NR3C2: variants seen among roughly 807,000 people sequenced by gnomAD.
NR3C2 encodes nuclear receptor subfamily 3 group C member 2, also known as mineralocorticoid receptor.
In NR3C2, 15 loss-of-function variants were observed where a neutral mutation model predicts 86.4. That is an observed-to-expected ratio of 0.17 (90% confidence interval 0.12 to 0.27). The LOEUF is 0.27. Among genes scored for constraint, NR3C2 ranks in the 10% least tolerant of loss-of-function variants. The pLI, the probability that NR3C2 is intolerant of heterozygous loss-of-function variation, is 1.00. For missense variants in NR3C2, 960 were observed against 1,195.6 expected (o/e 0.80, Z 2.91); for synonymous variants, 458 against 450.5 (o/e 1.02, Z -0.21).
intron 3 of NR3C2, among the ~76,000 whole-genome samples, chr4:148,220,772 G>A (rs1737797189): frequency 6.6e-6 from 1 of 152,090 alleles, no homozygotes; most frequent in African/African-American, 2.4e-5. Flanking sequence ...CTCCAGCCTG[G>A]GTGACAGAGT....
intron 6 of NR3C2, among the ~76,000 whole-genome samples, chr4:148,128,878 G>A (rs1414925889): frequency 3.9e-5 from 6 of 152,152 alleles, no homozygotes; most frequent in African/African-American, 1.4e-4. Flanking sequence ...CCAAGAAATA[G>A]CCCTTTGCAG....
intron 3 of NR3C2, among the ~76,000 whole-genome samples, chr4:148,234,348 T>TC (rs1287617695): frequency 6.6e-6 from 1 of 151,964 alleles, no homozygotes; most frequent in Non-Finnish European, 1.5e-5. Flanking sequence ...TTTCAATGGG[T>TC]CTCCAGTACT....
At chr4:148,356,382 T>C (rs1745549734) in intron 2 of NR3C2, among the ~76,000 whole-genome samples, 1 of 152,158 alleles carries the variant, frequency 6.6e-6, no homozygotes, top group African/African-American at 2.4e-5. Flanking sequence ...GAAAACTATA[T>C]GAATGTACAA....
At position 148,314,863 on chromosome 4, in the gene NR3C2, T is replaced by G. The variant is rs569635325; in HGVS notation, c.1758-54746A>C. 1.8e-4 allele frequency among the ~76,000 whole-genome samples: 27 copies of G among 152,284 alleles called. 1 individual carries two copies. The South Asian group carries it at 5.6e-3, about 32-fold the overall frequency. On this transcript the variant is annotated intron_variant, in intron 2 of 8. Coordinates refer to ENST00000358102, the MANE Select transcript of NR3C2 (RefSeq NM_000901.5). ...ACTAAGAAAACACACATCCAATAAT[T>G]ACACAATGAACTTTAACATGATAAA...
At chr4:148,367,043 G>C (rs1381442642) in intron 2 of NR3C2, among the ~76,000 whole-genome samples, 1 of 152,136 alleles carries the variant, frequency 6.6e-6, no homozygotes, top group Non-Finnish European at 1.5e-5. Flanking sequence ...GCAGAAAGAG[G>C]TGTGTTACAC....
At chr4:148,278,458 G>A (rs1741070378) in intron 2 of NR3C2, among the ~76,000 whole-genome samples, 1 of 152,092 alleles carries the variant, frequency 6.6e-6, no homozygotes. Flanking sequence ...ACATTCATAT[G>A]TACTAAATGA....
At chr4:148,335,159 G>A (rs1254633500) in intron 2 of NR3C2, among the ~76,000 whole-genome samples, 2 of 152,144 alleles carry the variant, frequency 1.3e-5, no homozygotes, top group African/African-American at 4.8e-5. Flanking sequence ...ATTGGGGCAG[G>A]AGTCAGGGTG....
At chr4:148,165,238 G>A (rs1358476854) in intron 4 of NR3C2, among the ~76,000 whole-genome samples, 1 of 152,076 alleles carries the variant, frequency 6.6e-6, no homozygotes, top group Non-Finnish European at 1.5e-5. Flanking sequence ...TGCTACTTTA[G>A]TGCAGTGGTT....
chr4:148,117,268 T>C (rs1732312340), intron 7 of NR3C2, among the ~76,000 whole-genome samples: 2 of 152,200 alleles, frequency 1.3e-5, no homozygotes, highest in Admixed American at 6.5e-5. Context: ...CCCAAAAACC[T>C]GTGCTGGCCA....
chr4:148,192,867 G>A (rs923601894), intron 4 of NR3C2, among the ~76,000 whole-genome samples: 2 of 151,932 alleles, frequency 1.3e-5, no homozygotes, highest in African/African-American at 4.8e-5. Flanking sequence ...CAGGGAGAGG[G>A]CAAGAGGGGC....
At chr4:148,177,601 C>T (rs1237297687) in intron 4 of NR3C2, among the ~76,000 whole-genome samples, 1 of 152,192 alleles carries the variant, frequency 6.6e-6, no homozygotes, top group Non-Finnish European at 1.5e-5. Flanking sequence ...TCAGTGGACA[C>T]ACCTATTCAC....
At chr4:148,289,536 T>A (rs970623357) in intron 2 of NR3C2, among the ~76,000 whole-genome samples, 8 of 152,198 alleles carry the variant, frequency 5.3e-5, no homozygotes, top group African/African-American at 1.9e-4. Context: ...ATAGTATTTT[T>A]AAAATACCAA....
chr4:148,307,030 C>T (rs1485641876), intron 2 of NR3C2, among the ~76,000 whole-genome samples: 1 of 151,860 alleles, frequency 6.6e-6, no homozygotes, highest in Non-Finnish European at 1.5e-5. Flanking sequence ...GGCTTTCTCT[C>T]GAACGTGAAT....
chr4:148,304,082 T>C (rs1481343080), intron 2 of NR3C2, among the ~76,000 whole-genome samples: 3 of 152,090 alleles, frequency 2.0e-5, no homozygotes, highest in African/African-American at 7.2e-5. Flanking sequence ...TCTAGATGAG[T>C]AGTCATTCAT....
chr4:148,391,026 T>C (rs767179045), intron 2 of NR3C2, among the ~76,000 whole-genome samples: 9 of 152,368 alleles, frequency 5.9e-5, no homozygotes, highest in Non-Finnish European at 1.3e-4. Context: ...CAACCCACAT[T>C]GTATATTATG....
At chr4:148,217,444 C>A (rs116840252) in intron 3 of NR3C2, among the ~76,000 whole-genome samples, 118 of 152,338 alleles carry the variant, frequency 7.7e-4, no homozygotes, top group African/African-American at 2.6e-3. Context: ...GCCAGTCATA[C>A]CTTCCTGAAC....
chr4:148,396,298 C>T (rs1187832216), intron 2 of NR3C2, among the ~76,000 whole-genome samples: 3 of 152,136 alleles, frequency 2.0e-5, no homozygotes, highest in East Asian at 3.9e-4. Flanking sequence ...TATGTTAGTA[C>T]TTACGAGTAA....
At chr4:148,263,675 G>T (rs941860190) in intron 2 of NR3C2, among the ~76,000 whole-genome samples, 1 of 152,156 alleles carries the variant, frequency 6.6e-6, no homozygotes, top group East Asian at 1.9e-4. Context: ...TAATCATAAT[G>T]CTTAACCTTA....
chr4:148,119,425 G>C (rs1027943796), intron 7 of NR3C2, among the ~76,000 whole-genome samples: 1 of 152,116 alleles, frequency 6.6e-6, no homozygotes, highest in African/African-American at 2.4e-5. Context: ...AGAACTGAAT[G>C]TGCTCTTCCC....
Sources: allele counts gnomAD v4.1 joint callset (sites outside exome capture counted in the v4.1 genomes callset), GRCh38; gene constraint gnomAD v4.1.1; transcripts MANE v1.5; gene names NCBI Gene and HGNC (gene_info 2026-07-23, HGNC 2026-07-21).